The following RCBTB1 variants were observed in gnomAD, a reference collection of about 807,000 sequenced individuals.
RCBTB1 encodes the protein RCC1 and BTB domain containing protein 1.
Under a neutral mutation model 62.4 loss-of-function variants are expected in RCBTB1, and 46 were observed. That is an observed-to-expected ratio of 0.74 (90% CI 0.58 to 0.94). The LOEUF is 0.94. Ranked by LOEUF, RCBTB1 falls within the 40% of genes least tolerant of loss-of-function variation. The probability of loss-of-function intolerance (pLI) is 0.00; values close to 1 mark genes in which losing one functional copy is unlikely to be tolerated. For missense variants in RCBTB1, 565 were observed against 654.9 expected, an observed-to-expected ratio of 0.86 and a Z score of 1.50; for synonymous variants, 222 against 245.8, an observed-to-expected ratio of 0.90 and a Z score of 0.91.
At chr13:49,551,871 G>A (rs1158358413) in intron 7 of RCBTB1, among the ~76,000 whole-genome samples, 1 of 140,432 alleles carries the variant, frequency 7.1e-6, no homozygotes, top group Non-Finnish European at 1.5e-5. Context: ...TTGCACTCCA[G>A]CCTGGGTGAC....
chr13:49,584,001 C>A (rs1210047487), intron 1 of RCBTB1, among the ~76,000 whole-genome samples: 1 of 152,170 alleles, frequency 6.6e-6, no homozygotes, highest in East Asian at 1.9e-4. Flanking sequence ...ATATCATCAT[C>A]ATAATAAAGG....
At chr13:49,545,542 A>T (rs1447354647) in intron 9 of RCBTB1, among the ~76,000 whole-genome samples, 1 of 152,232 alleles carries the variant, frequency 6.6e-6, no homozygotes, top group Non-Finnish European at 1.5e-5. Flanking sequence ...TGTTGTGGTT[A>T]TATGTTAAGT....
intron 2 of RCBTB1, among the ~76,000 whole-genome samples, chr13:49,576,928 G>GT (rs1353456422): frequency 6.6e-6 from 1 of 152,088 alleles, no homozygotes; most frequent in Non-Finnish European, 1.5e-5. Flanking sequence ...TAGAAAGAGT[G>GT]TAACGTCCTT....
chr13:49,543,453 C>A (rs1209541899), intron 10 of RCBTB1, among the ~76,000 whole-genome samples: 4 of 152,182 alleles, frequency 2.6e-5, no homozygotes, highest in Non-Finnish European at 2.9e-5. Context: ...TCCAGTTCAT[C>A]TTTTCAATTA....
chr13:49,549,040 G>A (rs1229648180), intron 9 of RCBTB1, among the ~76,000 whole-genome samples: 1 of 113,244 alleles, frequency 8.8e-6, no homozygotes, highest in African/African-American at 4.6e-5. Context: ...GCTGAGGCAG[G>A]AAAATCTCTT....
At chr13:49,554,275 TTTTTA>T (rs1298684046) in intron 6 of RCBTB1, among the ~76,000 whole-genome samples, 4 of 152,344 alleles carry the variant, frequency 2.6e-5, no homozygotes, top group Middle Eastern at 3.4e-3. Context: ...AGGTATTCAC[TTTTTA>T]TTTTATCTGT....
intron 12 of RCBTB1, chr13:49,539,343 T>C (rs989175971): frequency 6.6e-6 from 1 of 152,212 alleles, no homozygotes; most frequent in Non-Finnish European, 1.5e-5. Flanking sequence ...ATACTTAATA[T>C]GAGAAAAATG....
chr13:49,548,167 G>T (rs1240790800), intron 9 of RCBTB1, among the ~76,000 whole-genome samples: 1 of 151,886 alleles, frequency 6.6e-6, no homozygotes, highest in African/African-American at 2.4e-5. Flanking sequence ...TGAGGCGGGC[G>T]GATCACGAGG....
intron 8 of RCBTB1, among the ~76,000 whole-genome samples, chr13:49,550,919 T>A (rs1961271460): frequency 6.6e-6 from 1 of 152,114 alleles, no homozygotes; most frequent in South Asian, 2.1e-4. Flanking sequence ...CTGGCCAACA[T>A]GGCGAAACCC....
intron 4 of RCBTB1, among the ~76,000 whole-genome samples, chr13:49,563,842 G>A (rs1442432191): frequency 6.6e-6 from 1 of 152,148 alleles, no homozygotes; most frequent in Non-Finnish European, 1.5e-5. Flanking sequence ...ATTCAGTTAG[G>A]AGTTACAGGC....
At chr13:49,538,812 CTTTT>C (rs1183477394) in intron 12 of RCBTB1, among the ~76,000 whole-genome samples, 3 of 150,670 alleles carry the variant, frequency 2.0e-5, no homozygotes, top group South Asian at 4.2e-4. Flanking sequence ...GTGAGTCTTT[CTTTT>C]TGTCTTCTTT....
intron 7 of RCBTB1, 135 bp from the exon 8 acceptor site, chr13:49,551,603 T>A: frequency 9.6e-7 from 1 of 1,045,212 alleles, no homozygotes; most frequent in Non-Finnish European, 1.4e-6. Context: ...GCTGGAACAT[T>A]AAAAAAGCAT....
intron 2 of RCBTB1, among the ~76,000 whole-genome samples, chr13:49,575,956 G>C (rs1182880854): frequency 6.6e-6 from 1 of 152,114 alleles, no homozygotes; most frequent in East Asian, 1.9e-4. Context: ...GGGAGGCCAA[G>C]ACGAGCAGAT....
intron 9 of RCBTB1, 64 bp from the exon 10 acceptor site, chr13:49,544,927 T>A: frequency 7.3e-7 from 1 of 1,376,824 alleles, no homozygotes; most frequent in Non-Finnish European, 1.0e-6. Flanking sequence ...TTCAAAAGAC[T>A]TCAAAAAGAT....
intron 4 of RCBTB1, 57 bp from the exon 5 acceptor site, chr13:49,560,141 T>C: frequency 6.3e-7 from 1 of 1,577,198 alleles, no homozygotes; most frequent in Non-Finnish European, 8.6e-7. Context: ...AACCCTGTAC[T>C]TTCTTCCCCA....
intron 2 of RCBTB1, among the ~76,000 whole-genome samples, chr13:49,576,177 CAAAAAAA>C (rs71078868): frequency 1.5e-4 from 6 of 39,982 alleles, no homozygotes; most frequent in African/African-American, 6.3e-4. Flanking sequence ...ACAGGCGTCG[CAAAAAAA>C]AAAAAAAAAA....
At position 49,552,176 on chromosome 13, in the gene RCBTB1, A is replaced by G. The variant is rs774015502; in HGVS notation, c.711+2T>C. On this transcript the variant is annotated splice_donor_variant, in intron 7 of 12. Transcript: ENST00000378302. LOFTEE classifies it high-confidence loss of function. ...CACTAACTGAGAGTGCACCACACGT[A>G]CCTGGTTCACACACACGCTGTGCAA... The G allele has an allele frequency of 8.1e-5, 127 of 1,562,688 alleles. No individual in the cohort carries two copies. The highest frequency in any genetic ancestry group is 9.5e-5 in the Non-Finnish European group (109 of 1,148,626).
intron 6 of RCBTB1, among the ~76,000 whole-genome samples, chr13:49,554,117 G>A (rs960615299): frequency 6.6e-6 from 1 of 152,158 alleles, no homozygotes; most frequent in Non-Finnish European, 1.5e-5. Context: ...AGGGGAGCGG[G>A]AAGCAGGCTG....
At chr13:49,562,623 T>TG (rs1962532630) in intron 4 of RCBTB1, among the ~76,000 whole-genome samples, 1 of 151,658 alleles carries the variant, frequency 6.6e-6, no homozygotes, top group African/African-American at 2.4e-5. Context: ...TTTTTTGAGA[T>TG]GGGGTCTCAC....
Sources: gnomAD v4.1 joint callset for allele counts (sites outside exome capture counted in the v4.1 genomes callset) on GRCh38, gnomAD v4.1.1 for gene constraint, MANE v1.5 for transcripts, NCBI Gene and HGNC (gene_info 2026-07-23, HGNC 2026-07-21) for gene names.